Variants in KIAA1549 observed in about 807,000 individuals in gnomAD.
KIAA1549 encodes the protein KIAA1549.
Under a neutral mutation model 156.4 loss-of-function variants are expected in KIAA1549, and 70 were observed. That is an observed-to-expected ratio of 0.45 (90% CI 0.37 to 0.55). The LOEUF is 0.55. Ranked by LOEUF, KIAA1549 falls within the 20% of genes least tolerant of loss-of-function variation. The pLI is 0.00. For synonymous variants in KIAA1549, 1,103 were observed against 1,066.4 expected (o/e 1.03, Z -0.67); for missense variants, 2,428 against 2,540.9 (o/e 0.96, Z 0.96).
intron 10 of KIAA1549, among the ~76,000 whole-genome samples, chr7:138,891,974 G>A (rs1811560512): frequency 6.6e-6 from 1 of 152,216 alleles, no homozygotes; most frequent in East Asian, 1.9e-4. Context: ...TATAGGGTGG[G>A]TTCCTGTGCC....
intron 5 of KIAA1549, among the ~76,000 whole-genome samples, chr7:138,908,582 G>C (rs1156745718): frequency 6.6e-6 from 1 of 151,674 alleles, no homozygotes; most frequent in Non-Finnish European, 1.5e-5. Flanking sequence ...GAATGTAGAG[G>C]GAAAAAAATC....
At chr7:138,935,637 G>C (rs190509624) in intron 1 of KIAA1549, among the ~76,000 whole-genome samples, 10 of 152,274 alleles carry the variant, frequency 6.6e-5, no homozygotes, top group Non-Finnish European at 1.2e-4. Flanking sequence ...GACTAAGCAT[G>C]AGCAGGCACC....
At chr7:138,871,002 A>C (rs1414408319) in intron 13 of KIAA1549, among the ~76,000 whole-genome samples, 155 bp downstream of exon 13, 1 of 152,150 alleles carries the variant, frequency 6.6e-6, no homozygotes, top group Non-Finnish European at 1.5e-5. Flanking sequence ...TTTTTAGTAG[A>C]GATGGCGTTT....
Position 138,844,482 on chromosome 7 carries a change from CA to C in KIAA1549, c.5295-9del. The C allele has an allele frequency of 6.6e-7, 1 of 1,521,820 alleles. No homozygotes were observed. Among genetic ancestry groups the C allele is most frequent in the South Asian group, 1.3e-5 (1 of 74,860 alleles). The allele number at this position is 1,521,820 out of a possible 1,614,324, so 94.3% of individuals were successfully genotyped here. On this transcript the variant is annotated splice_polypyrimidine_tract_variant and intron_variant, in intron 17 of 19. Transcript: ENST00000422774. ...CCGGGGCCAAAACCTGGTCTGAAGG[CA>C]AAGCAAACCAGCACATCAGGACTCC... is the stretch of plus-strand genomic sequence containing the variant.
chr7:138,903,624 T>C lies in KIAA1549; in HGVS notation c.3633A>G (p.Arg1211=). Residue 1211 remains arginine (R), a synonymous_variant, in exon 8 of 20, where the codon AGA becomes AGG. Coordinates refer to ENST00000422774, the MANE Select transcript of KIAA1549 (RefSeq NM_001164665.2). ...SEVSTRRRMW[R]RATVAAGNSV... ...TGTTCCCTGCAGCTACAGTGGCCCT[T>C]CTCCACATCCGCCTTCTGGTGGAAA... 1 of 1,613,682 alleles carries C rather than the reference T, an allele frequency of 6.2e-7. No individual in the cohort carries two copies. Among genetic ancestry groups the C allele is most frequent in the Non-Finnish European group, 8.5e-7 (1 of 1,179,830 alleles).
At chr7:138,912,294 T>C in intron 3 of KIAA1549, 78 bp downstream of exon 3, 1 of 1,009,894 alleles carries the variant, frequency 9.9e-7, no homozygotes, top group South Asian at 1.3e-5. Context: ...ATGGCCATAA[T>C]CACCTGCCTC....
intron 10 of KIAA1549, among the ~76,000 whole-genome samples, chr7:138,886,847 CATT>C (rs1221761120): frequency 2.0e-5 from 3 of 151,952 alleles, no homozygotes; most frequent in African/African-American, 7.3e-5. Flanking sequence ...ACTGCATGCC[CATT>C]ATTATTTATT....
chr7:138,969,037 A>G (rs1442717965), intron 1 of KIAA1549, among the ~76,000 whole-genome samples: 2 of 152,044 alleles, frequency 1.3e-5, no homozygotes, highest in Admixed American at 6.6e-5. Flanking sequence ...CCAGGTATTA[A>G]GCCCAGTACC....
intron 1 of KIAA1549, among the ~76,000 whole-genome samples, chr7:138,966,426 G>T (rs1464406458): frequency 6.6e-6 from 1 of 151,948 alleles, no homozygotes; most frequent in Non-Finnish European, 1.5e-5. Context: ...GTTTATTAAG[G>T]AGTATTAAAC....
In KIAA1549 at chr7:138,844,382, G is replaced by A; in HGVS notation, c.5387C>T (p.Ala1796Val). ...CATCTCCTCCGAGTAGATCCCTCTG[G>A]CAGCAAATGGGGCTTCGGCGGAGGC... ...PQASAEAPFA[A>V]RGIYSEEMPS... The change falls in exon 18 of 20, where the codon GCC becomes GTC. Residue 1796 changes from alanine (A) to valine (V), a missense_variant. Ala to Val is a moderately conservative substitution (Grantham distance 64, BLOSUM62 0). Transcript: ENST00000422774. 1.2e-6 allele frequency: 2 copies of A among 1,612,126 alleles called. No homozygotes were observed. Among genetic ancestry groups the A allele is most frequent in the African/African-American group, 1.3e-5 (1 of 74,984 alleles).
intron 1 of KIAA1549, among the ~76,000 whole-genome samples, chr7:138,927,734 T>C (rs1437280047): frequency 6.6e-6 from 1 of 152,242 alleles, no homozygotes. Context: ...TGTGTTTCCA[T>C]GAGCAATATA....
intron 1 of KIAA1549, among the ~76,000 whole-genome samples, chr7:138,936,663 C>A (rs908245179): frequency 2.0e-5 from 3 of 152,150 alleles, no homozygotes; most frequent in Non-Finnish European, 4.4e-5. Flanking sequence ...GGTGGCAGCA[C>A]TTCCAGCATG....
rs1204039344 is a variant in KIAA1549 at position 138,869,623 on chromosome 7, C to G, written c.4690G>C (p.Val1564Leu). ...ATCTGCATCTGTGCCCTGCGGTACA[C>G]CCGGTGTCGCTCCTTAGTGTCGCCC... ...SSGDTKERHR[V>L]YRRAQMQIDK... The change falls in exon 14 of 20, where the codon GTG becomes CTG. Residue 1564 changes from valine (V) to leucine (L), a missense_variant. Val to Leu is a conservative substitution (Grantham distance 32, BLOSUM62 1). Around this residue, in one of 5 missense-constraint regions of KIAA1549, gnomAD observed 404 missense variants for 417.0 expected, o/e 0.97. Transcript: ENST00000422774. 1 of 1,607,982 alleles carries G rather than the reference C, an allele frequency of 6.2e-7. No homozygotes were observed. Among genetic ancestry groups the G allele is most frequent in the Non-Finnish European group, 8.5e-7 (1 of 1,178,172 alleles).
At chr7:138,942,864 C>A (rs1438079808) in intron 1 of KIAA1549, among the ~76,000 whole-genome samples, 2 of 151,468 alleles carry the variant, frequency 1.3e-5, no homozygotes, top group Non-Finnish European at 2.9e-5. Context: ...GAGCCGAGAT[C>A]GTGCCACTGC....
At chr7:138,860,646 T>C (rs898655287) in intron 16 of KIAA1549, among the ~76,000 whole-genome samples, 2 of 152,192 alleles carry the variant, frequency 1.3e-5, no homozygotes, top group Non-Finnish European at 2.9e-5. Flanking sequence ...GATGGAAAGC[T>C]GACATTTGAA....
intron 1 of KIAA1549, 52 bp from the exon 2 acceptor site, chr7:138,919,490 C>A (rs1337554076): frequency 5.1e-6 from 8 of 1,558,838 alleles, no homozygotes; most frequent in Non-Finnish European, 6.9e-6. Context: ...AGTCACACAG[C>A]TAACGTTTTG....
At chr7:138,909,987 T>C (rs941249254) in intron 4 of KIAA1549, among the ~76,000 whole-genome samples, 6 of 152,166 alleles carry the variant, frequency 3.9e-5, no homozygotes, top group African/African-American at 1.4e-4. Flanking sequence ...TAACTTCATA[T>C]ACATGTTTAA....
At chr7:138,904,071 G>A (rs1272645830) in intron 7 of KIAA1549, among the ~76,000 whole-genome samples, 13 of 152,182 alleles carry the variant, frequency 8.5e-5, no homozygotes, top group African/African-American at 2.7e-4. Flanking sequence ...CGCAAAGGGC[G>A]CCTACGCAAG....
intron 1 of KIAA1549, among the ~76,000 whole-genome samples, chr7:138,962,731 G>C (rs1456940868): frequency 6.6e-6 from 1 of 152,094 alleles, no homozygotes; most frequent in Non-Finnish European, 1.5e-5. Flanking sequence ...TCCGAGACCT[G>C]TCCGAATTCC....
Sources: gnomAD v4.1 joint callset for allele counts (sites outside exome capture counted in the v4.1 genomes callset) on GRCh38, gnomAD v4.1.1 for gene constraint, gnomAD v4.1.1 regional missense constraint, MANE v1.5 for transcripts, NCBI Gene and HGNC (gene_info 2026-07-23, HGNC 2026-07-21) for gene names.